Variants in DLG2 observed in about 807,000 individuals in gnomAD.
DLG2 encodes the protein disks large homolog 2.
In DLG2, 45 loss-of-function variants were observed where a neutral mutation model predicts 132.5. The observed-to-expected ratio is 0.34, with a 90% confidence interval of 0.27 to 0.44. The LOEUF is 0.44. Ranked by LOEUF, DLG2 falls within the 20% of genes least tolerant of loss-of-function variation. The pLI is 1.00. For synonymous variants in DLG2, 424 were observed against 419.6 expected, an observed-to-expected ratio of 1.01 and a Z score of -0.13; for missense variants, 1,045 against 1,196.9, an observed-to-expected ratio of 0.87 and a Z score of 1.87.
At chr11:85,475,259 A>C (rs565679227) in intron 3 of DLG2, among the ~76,000 whole-genome samples, 1 of 152,016 alleles carries the variant, frequency 6.6e-6, no homozygotes, top group East Asian at 1.9e-4. Context: ...AAACAGAGCA[A>C]AACAAAAATC....
intron 6 of DLG2, among the ~76,000 whole-genome samples, chr11:84,864,290 A>G (rs2084221215): frequency 6.6e-6 from 1 of 152,172 alleles, no homozygotes; most frequent in Admixed American, 6.5e-5. Context: ...AGATACTTGC[A>G]AAGAAGCCTT....
chr11:84,412,322 A>C (rs1053539653), intron 7 of DLG2, among the ~76,000 whole-genome samples: 1 of 151,708 alleles, frequency 6.6e-6, no homozygotes, highest in Middle Eastern at 3.4e-3. Flanking sequence ...TTTGTTCAAC[A>C]TACCCTGATT....
At chr11:83,921,652 T>C (rs534134701) in intron 15 of DLG2, among the ~76,000 whole-genome samples, 21 of 152,164 alleles carry the variant, frequency 1.4e-4, no homozygotes, top group Non-Finnish European at 2.6e-4. Context: ...GATTTTTGCA[T>C]AGAATTTTCT....
At chr11:85,348,579 C>T (rs889798479) in intron 3 of DLG2, among the ~76,000 whole-genome samples, 1 of 152,080 alleles carries the variant, frequency 6.6e-6, no homozygotes, top group Admixed American at 6.5e-5. Flanking sequence ...AGCAGCCAAC[C>T]GGCATTTTAA....
chr11:84,313,691 GAA>G (rs2098326065), intron 7 of DLG2, among the ~76,000 whole-genome samples: 2 of 96,986 alleles, frequency 2.1e-5, no homozygotes, highest in Admixed American at 9.6e-5. Flanking sequence ...GAAAGAAAAA[GAA>G]AGAGGATACG....
At chr11:83,734,393 TTCCTTCCTTCCTTC>T (rs1566753368) in intron 18 of DLG2, among the ~76,000 whole-genome samples, 2 of 113,814 alleles carry the variant, frequency 1.8e-5, no homozygotes, top group African/African-American at 7.2e-5. Context: ...CCTTCCTTCC[TTCCTTCCTTCCTTC>T]CCTCCCTCCT....
intron 6 of DLG2, among the ~76,000 whole-genome samples, chr11:85,038,412 C>T (rs1053900490): frequency 2.4e-4 from 37 of 151,880 alleles, no homozygotes; most frequent in Non-Finnish European, 4.4e-5. Context: ...GTACCTGCAC[C>T]CACACAGATC....
intron 6 of DLG2, among the ~76,000 whole-genome samples, chr11:84,777,798 G>A (rs567881660): frequency 6.6e-6 from 1 of 152,034 alleles, no homozygotes; most frequent in South Asian, 2.1e-4. Flanking sequence ...TTTTTAATGG[G>A]ATTATTTGTT....
At chr11:85,496,104 C>A in intron 3 of DLG2, among the ~76,000 whole-genome samples, 1 of 152,192 alleles carries the variant, frequency 6.6e-6, no homozygotes, top group East Asian at 1.9e-4. Context: ...GGTGTCACAT[C>A]ACACAGGAAG....
intron 6 of DLG2, among the ~76,000 whole-genome samples, chr11:85,106,322 A>G (rs1300491457): frequency 6.6e-6 from 1 of 152,012 alleles, no homozygotes; most frequent in Non-Finnish European, 1.5e-5. Flanking sequence ...GGCTGAGAAT[A>G]TCAATAGCGC....
At chr11:85,066,291 T>C (rs1453366496) in intron 6 of DLG2, among the ~76,000 whole-genome samples, 3 of 151,480 alleles carry the variant, frequency 2.0e-5, no homozygotes, top group Non-Finnish European at 1.5e-5. Context: ...AGTAGTGAAA[T>C]TAAATTAGCA....
At chr11:83,797,515 T>TTTGTTC (rs1044599281) in intron 17 of DLG2, among the ~76,000 whole-genome samples, 2 of 151,998 alleles carry the variant, frequency 1.3e-5, no homozygotes, top group Non-Finnish European at 2.9e-5. Context: ...TTTTTTTTGT[T>TTTGTTC]TTGTTTTTGT....
chr11:83,612,715 G>C (rs2060285126), intron 19 of DLG2, among the ~76,000 whole-genome samples: 1 of 152,138 alleles, frequency 6.6e-6, no homozygotes, highest in Non-Finnish European at 1.5e-5. Context: ...ATGGAGTCTT[G>C]AAAAACCATT....
At chr11:83,787,391 T>G (rs1439014871) in intron 17 of DLG2, among the ~76,000 whole-genome samples, 1 of 143,448 alleles carries the variant, frequency 7.0e-6, no homozygotes, top group African/African-American at 2.6e-5. Flanking sequence ...ACGCGATCTC[T>G]GCTCACTGCA....
chr11:85,275,310 T>C (rs2077821152), intron 4 of DLG2, among the ~76,000 whole-genome samples: 1 of 152,160 alleles, frequency 6.6e-6, no homozygotes. Flanking sequence ...CATGAATTTA[T>C]TTTTCATCAT....
intron 3 of DLG2, among the ~76,000 whole-genome samples, chr11:85,312,013 T>A (rs1407734390): frequency 6.6e-6 from 1 of 152,030 alleles, no homozygotes; most frequent in Non-Finnish European, 1.5e-5. Flanking sequence ...CTGTGCTCTT[T>A]ATCTCTACAA....
intron 5 of DLG2, among the ~76,000 whole-genome samples, chr11:85,138,665 A>C (rs1454166340): frequency 6.6e-6 from 1 of 152,076 alleles, no homozygotes; most frequent in Non-Finnish European, 1.5e-5. Flanking sequence ...TTCCCATGCT[A>C]TACTTGTGTT....
intron 7 of DLG2, among the ~76,000 whole-genome samples, chr11:84,412,653 A>T (rs1251180039): frequency 6.6e-6 from 1 of 152,174 alleles, no homozygotes; most frequent in Admixed American, 6.5e-5. Flanking sequence ...TAGGTGAGGG[A>T]GCTGAGCACC....
At chr11:83,541,609 A>T in intron 20 of DLG2, 73 bp downstream of exon 20, 1 of 1,299,632 alleles carries the variant, frequency 7.7e-7, no homozygotes, top group Non-Finnish European at 1.0e-6. Flanking sequence ...AGTTTCTCCC[A>T]CCTTCTTCTT....
Sources: allele counts gnomAD v4.1 joint callset (sites outside exome capture counted in the v4.1 genomes callset), GRCh38; gene constraint gnomAD v4.1.1; transcripts MANE v1.5; gene names NCBI Gene and HGNC (gene_info 2026-07-23, HGNC 2026-07-21).